Variants in TTYH2 observed in about 807,000 individuals in gnomAD.
TTYH2 encodes the protein tweety family member 2.
Under a neutral mutation model 68.3 loss-of-function variants are expected in TTYH2, and 49 were observed. The ratio of observed to expected loss-of-function variants is 0.72; its 90% confidence interval spans 0.57 to 0.91. The LOEUF (loss-of-function observed/expected upper bound fraction) is 0.91, where lower values mean the gene tolerates loss of function less well. TTYH2 is among the 40% of genes least tolerant of loss of function. The pLI is 0.00. For missense variants in TTYH2, 631 were observed against 700.4 expected, an observed-to-expected ratio of 0.90 and a Z score of 1.12; for synonymous variants, 272 against 300.8, an observed-to-expected ratio of 0.90 and a Z score of 0.99.
chr17:74,238,902 G>T (rs1390420673), intron 4 of TTYH2, among the ~76,000 whole-genome samples: 1 of 151,860 alleles, frequency 6.6e-6, no homozygotes, highest in East Asian at 1.9e-4. Flanking sequence ...TAGAAATAGG[G>T]GTCTTGCTTT....
chr17:74,256,486 T>C (rs1210908032), intron 13 of TTYH2, among the ~76,000 whole-genome samples: 1 of 152,088 alleles, frequency 6.6e-6, no homozygotes, highest in African/African-American at 2.4e-5. Flanking sequence ...CCCCCTGTCA[T>C]TCACTCCTGT....
intron 10 of TTYH2, 37 bp from the exon 11 acceptor site, chr17:74,252,197 C>T: frequency 1.9e-6 from 3 of 1,608,688 alleles, no homozygotes; most frequent in Non-Finnish European, 2.5e-6. Flanking sequence ...TTTGCCCCCG[C>T]TCCTTCACTA....
Position 74,215,121 on chromosome 17 carries a change from C to T in TTYH2, c.129+1405C>T, listed in dbSNP as rs946411010. On this transcript the variant is annotated intron_variant, in intron 1 of 13. Coordinates refer to ENST00000269346, the MANE Select transcript of TTYH2 (RefSeq NM_032646.6). This position sits in a 1 kb window ranked among gnomAD's most constrained non-coding sequence, Gnocchi z 4.3. Reference sequence around the variant, plus strand: ...CTGGGGATAGCTCCAGGGAATCTTCCTCTCCCAGAGAATGCATGAAAAGAG... The same window carrying T: ...CTGGGGATAGCTCCAGGGAATCTTCTTCTCCCAGAGAATGCATGAAAAGAG... Among the ~76,000 whole-genome samples the T allele has an allele frequency of 6.6e-6, 1 of 151,938 alleles. No homozygotes were observed. Among genetic ancestry groups the T allele is most frequent in the East Asian group, 1.9e-4 (1 of 5,176 alleles).
chr17:74,231,712 G>A (rs561393265), intron 3 of TTYH2, among the ~76,000 whole-genome samples: 13 of 152,148 alleles, frequency 8.5e-5, no homozygotes, highest in Admixed American at 5.9e-4. Context: ...GAAGAGCCCC[G>A]TGATGTAAGG....
intron 2 of TTYH2, 103 bp from the exon 3 acceptor site, chr17:74,230,785 C>A: frequency 8.8e-7 from 1 of 1,140,988 alleles, no homozygotes; most frequent in Non-Finnish European, 1.2e-6. Context: ...GCTGGGATTA[C>A]AGGCATGAGC....
At chr17:74,240,204 T>C in intron 4 of TTYH2, among the ~76,000 whole-genome samples, 1 of 152,128 alleles carries the variant, frequency 6.6e-6, no homozygotes, top group Non-Finnish European at 1.5e-5. Context: ...TTTGGGAGGC[T>C]GAGGTGGGTG....
intron 2 of TTYH2, among the ~76,000 whole-genome samples, chr17:74,223,310 G>T (rs2050297759): frequency 6.6e-6 from 1 of 151,494 alleles, no homozygotes; most frequent in African/African-American, 2.4e-5. Flanking sequence ...GGGCGGGGAA[G>T]AGACAGGCTT....
intron 1 of TTYH2, among the ~76,000 whole-genome samples, chr17:74,220,013 C>CTT (rs151193448): frequency 1.4e-5 from 2 of 144,562 alleles, no homozygotes; most frequent in African/African-American, 5.1e-5. Flanking sequence ...GGTTGGGTTA[C>CTT]TTTTTTTTTA....
chr17:74,244,180 C>A, intron 6 of TTYH2, 131 bp downstream of exon 6: 1 of 840,032 alleles, frequency 1.2e-6, no homozygotes, highest in Non-Finnish European at 1.9e-6. Flanking sequence ...ACCAAAGGGA[C>A]TTGCGTCATC....
At chr17:74,244,368 G>A (rs950531009) in intron 6 of TTYH2, among the ~76,000 whole-genome samples, 5 of 152,202 alleles carry the variant, frequency 3.3e-5, no homozygotes, top group African/African-American at 7.2e-5. Context: ...TGACCAGGGC[G>A]CTTCTCTCTG....
At chr17:74,216,034 A>T (rs1456447289) in intron 1 of TTYH2, among the ~76,000 whole-genome samples, 1 of 152,128 alleles carries the variant, frequency 6.6e-6, no homozygotes, top group Admixed American at 6.6e-5. Flanking sequence ...AGGTGTCTTA[A>T]CCTCTCTGAG....
Position 74,214,032 on chromosome 17 carries a change from AG to A in TTYH2, c.129+320del, listed in dbSNP as rs2050197993. 6.7e-6 allele frequency among the ~76,000 whole-genome samples: 1 copy of A among 150,212 alleles called. No homozygotes were observed. The highest frequency in any genetic ancestry group is 2.5e-5 in the African/African-American group (1 of 40,744). Reference sequence around the variant, plus strand: ...CTGAGCGGGCAGGGCGGCGCGGGGGAGGGGTAAGGACAGGGGCATTCGTCTC... The same window carrying A: ...CTGAGCGGGCAGGGCGGCGCGGGGGAGGGTAAGGACAGGGGCATTCGTCTC... On this transcript the variant is annotated intron_variant, in intron 1 of 13. Coordinates refer to ENST00000269346, the MANE Select transcript of TTYH2 (RefSeq NM_032646.6). The surrounding 1 kb of genome is among the most constrained non-coding windows in gnomAD (Gnocchi z 4.6).
At chr17:74,240,881 G>A (rs137948243) in intron 4 of TTYH2, 297 of 152,334 alleles carry the variant, frequency 1.9e-3, no homozygotes, top group African/African-American at 6.7e-3. Flanking sequence ...AACATGAGGC[G>A]TGGAGGCAGG....
chr17:74,215,801 G>A lies in TTYH2; in HGVS notation c.129+2085G>A, dbSNP rs1255190384. The stretch of plus-strand genomic sequence containing the variant: ...CACTAACAGAGTCAGGTGGACCGTC[G>A]GTCATCCCAGTCTTCAGCAAGCTTG... On this transcript the variant is annotated intron_variant, in intron 1 of 13. Transcript: ENST00000269346. This position sits in a 1 kb window ranked among gnomAD's most constrained non-coding sequence, Gnocchi z 4.3. 6.0e-6 allele frequency: 8 copies of A among 1,324,496 alleles called. No homozygotes were observed. Among genetic ancestry groups the A allele is most frequent in the African/African-American group, 4.4e-5 (3 of 68,776 alleles). The allele number at this position is 1,324,496 out of a possible 1,614,324, so 82.0% of individuals were successfully genotyped here.
chr17:74,242,908 G>A (rs978527157), intron 4 of TTYH2, among the ~76,000 whole-genome samples: 8 of 152,218 alleles, frequency 5.3e-5, no homozygotes, highest in Admixed American at 3.9e-4. Context: ...CTGGGAGGCC[G>A]CAGAAAGACA....
At chr17:74,229,613 C>T (rs1359475395) in intron 2 of TTYH2, among the ~76,000 whole-genome samples, 2 of 152,176 alleles carry the variant, frequency 1.3e-5, no homozygotes, top group Non-Finnish European at 2.9e-5. Flanking sequence ...AACTTGGAAG[C>T]AACGAAGATG....
rs138147426 is a variant in TTYH2 at position 74,219,791 on chromosome 17, A to G, written c.130-2694A>G. ...GTATAGTATTCTAAGACTATAACACATGTTCTATATCTTTTCTCTTGTTGG... is the reference window on the plus strand; with the variant it reads ...GTATAGTATTCTAAGACTATAACACGTGTTCTATATCTTTTCTCTTGTTGG... On this transcript the variant is annotated intron_variant, in intron 1 of 13. Coordinates refer to ENST00000269346, the MANE Select transcript of TTYH2 (RefSeq NM_032646.6). 5.8e-3 allele frequency among the ~76,000 whole-genome samples: 880 copies of G among 152,126 alleles called. 6 individuals carry two copies. The highest frequency in any genetic ancestry group is 9.5e-3 in the Non-Finnish European group (644 of 68,016).
chr17:74,241,754 A>T lies in TTYH2; in HGVS notation c.636-1620A>T, dbSNP rs1011815474. ...CAGCAAGAGAAATAATGATCCAAATACTTCCCTCTTTGGGGACGGGGAAGC... is the reference window on the plus strand; with the variant it reads ...CAGCAAGAGAAATAATGATCCAAATTCTTCCCTCTTTGGGGACGGGGAAGC... On this transcript the variant is annotated intron_variant, in intron 4 of 13. Coordinates refer to ENST00000269346, the MANE Select transcript of TTYH2 (RefSeq NM_032646.6). This position sits in a 1 kb window ranked among gnomAD's most constrained non-coding sequence, Gnocchi z 4.1. 6.6e-6 allele frequency among the ~76,000 whole-genome samples: 1 copy of T among 152,096 alleles called. No homozygotes were observed. The highest frequency in any genetic ancestry group is 2.4e-5 in the African/African-American group (1 of 41,412).
chr17:74,236,034 T>A (rs898391123), intron 3 of TTYH2, among the ~76,000 whole-genome samples: 3 of 152,196 alleles, frequency 2.0e-5, no homozygotes, highest in Non-Finnish European at 4.4e-5. Flanking sequence ...TTTAACTGGA[T>A]GGCCAGCCGT....
Sources: allele counts gnomAD v4.1 joint callset (sites outside exome capture counted in the v4.1 genomes callset), GRCh38; gene constraint gnomAD v4.1.1; non-coding constraint Gnocchi (gnomAD v3.1); transcripts MANE v1.5; gene names NCBI Gene and HGNC (gene_info 2026-07-23, HGNC 2026-07-21).